ACSL4: variants seen among roughly 807,000 people sequenced by gnomAD.
ACSL4 encodes acyl-CoA synthetase long chain family member 4, also known as long-chain-fatty-acid--CoA ligase 4.
Under a neutral mutation model 49.1 loss-of-function variants are expected in ACSL4, and 9 were observed. The observed-to-expected ratio is 0.18, with a 90% CI of 0.11 to 0.32. The LOEUF (loss-of-function observed/expected upper bound fraction) is 0.32. Among genes scored for constraint, ACSL4 ranks in the 10% least tolerant of loss-of-function variants. ACSL4 has a pLI of 1.00. For missense variants in ACSL4, 333 were observed against 493.7 expected, an observed-to-expected ratio of 0.67 and a Z score of 3.08; for synonymous variants, 191 against 170.3, an observed-to-expected ratio of 1.12 and a Z score of -0.95.
At chrX:109,656,203 C>T (rs1921631008) in intron 15 of ACSL4, among the ~76,000 whole-genome samples, 1 of 110,992 alleles carries the variant, frequency 9.0e-6, no homozygotes. Context: ...AAAATACAGA[C>T]ATGCTATCCT....
rs750609370 is a variant in ACSL4, at chrX:109,729,250, TA to T, written c.-66+3888del. ...AAAAAACTCTTAAAACTCACCAGGT[TA>T]AAAAAAAAATCCAAATAGAAAATGG... is the stretch of plus-strand genomic sequence containing the variant. On this transcript the variant is annotated intron_variant, in intron 1 of 15. Coordinates refer to ENST00000672401, the MANE Select transcript of ACSL4 (RefSeq NM_001318510.2). Among the ~76,000 whole-genome samples, 18 of 107,011 alleles carry T rather than the reference TA, an allele frequency of 1.7e-4. 3 individuals are homozygous for T. The highest frequency in any genetic ancestry group is 1.6e-3 in the South Asian group (4 of 2,528). 92.9% of individuals were successfully genotyped at this position (107,011 alleles called of 115,157 possible).
intron 15 of ACSL4, among the ~76,000 whole-genome samples, chrX:109,655,140 T>C (rs957577470): frequency 8.9e-6 from 1 of 111,837 alleles, no homozygotes; most frequent in African/African-American, 3.3e-5. Flanking sequence ...TCCAAACAGT[T>C]TTTTAGTACC....
intron 2 of ACSL4, among the ~76,000 whole-genome samples, chrX:109,686,969 G>C (rs959768510): frequency 3.6e-5 from 4 of 112,077 alleles, no homozygotes; most frequent in African/African-American, 1.3e-4. Context: ...AAAGCAAAAA[G>C]CATAGCTGCT....
chrX:109,727,676 TGTGTGTGTGTGTGTGTGTGTGTGTGTG>T (rs1928116279), intron 1 of ACSL4, among the ~76,000 whole-genome samples: 1 of 42,033 alleles, frequency 2.4e-5, no homozygotes, highest in Non-Finnish European at 8.3e-5. Flanking sequence ...TGTGTGTGTG[TGTGTGTGTGTGTGTGTGTGTGTGTGTG>T]TGTGTGTAAT....
At chrX:109,686,093 G>A (rs897084089) in intron 2 of ACSL4, among the ~76,000 whole-genome samples, 2 of 111,798 alleles carry the variant, frequency 1.8e-5, no homozygotes, top group Admixed American at 9.5e-5. Flanking sequence ...AATGCTGAAT[G>A]TAAGATCCCC....
chrX:109,652,577 C>T (rs1921234038), intron 15 of ACSL4, among the ~76,000 whole-genome samples: 1 of 111,082 alleles, frequency 9.0e-6, no homozygotes, highest in Admixed American at 9.6e-5. Flanking sequence ...GATGATTAGC[C>T]TTTTGGTTGA....
chrX:109,699,640 A>C (rs1371624652), intron 1 of ACSL4, among the ~76,000 whole-genome samples: 2 of 111,956 alleles, frequency 1.8e-5, no homozygotes, highest in South Asian at 3.7e-4. Flanking sequence ...TATTCATAGA[A>C]AAATTAGCAA....
chrX:109,700,685 A>G (rs1256369639), intron 1 of ACSL4, among the ~76,000 whole-genome samples: 1 of 111,734 alleles, frequency 8.9e-6, no homozygotes, highest in Admixed American at 9.5e-5. Flanking sequence ...AGCCTGTGCA[A>G]TGTACAGAAT....
At chrX:109,710,759 G>A (rs1926693935) in intron 1 of ACSL4, among the ~76,000 whole-genome samples, 1 of 111,910 alleles carries the variant, frequency 8.9e-6, no homozygotes, top group African/African-American at 3.3e-5. Flanking sequence ...CACCCAGGCT[G>A]GAGTACAGTG....
chrX:109,723,541 A>G (rs372648417), intron 1 of ACSL4, among the ~76,000 whole-genome samples: 262 of 111,694 alleles, frequency 2.3e-3, no homozygotes, highest in African/African-American at 8.0e-3. Context: ...CAGTGTATAT[A>G]TATGTCTAAC....
At chrX:109,666,077 C>T (rs2147401539) in intron 11 of ACSL4, among the ~76,000 whole-genome samples, 1 of 112,229 alleles carries the variant, frequency 8.9e-6, no homozygotes, top group South Asian at 3.7e-4. Flanking sequence ...TTATGGACAG[C>T]CCATTATGTA....
chrX:109,716,362 C>G (rs186989750), intron 1 of ACSL4, among the ~76,000 whole-genome samples: 1 of 112,484 alleles, frequency 8.9e-6, no homozygotes, highest in Admixed American at 9.4e-5. Flanking sequence ...ACTTAAGTAT[C>G]ACCTGGCTTG....
At chrX:109,677,349 C>G (rs1004083048) in intron 8 of ACSL4, among the ~76,000 whole-genome samples, 2 of 111,283 alleles carry the variant, frequency 1.8e-5, no homozygotes, top group African/African-American at 3.3e-5. Flanking sequence ...GGCCAAGACC[C>G]TAACATATCT....
At chrX:109,700,940 G>A (rs2147492759) in intron 1 of ACSL4, among the ~76,000 whole-genome samples, 1 of 109,526 alleles carries the variant, frequency 9.1e-6, no homozygotes, top group African/African-American at 3.3e-5. Context: ...CTACTCAGGA[G>A]GCTGAGGCAG....
At chrX:109,697,031 T>C (rs1925491125) in intron 1 of ACSL4, among the ~76,000 whole-genome samples, 1 of 109,414 alleles carries the variant, frequency 9.1e-6, no homozygotes, top group Admixed American at 9.7e-5. Flanking sequence ...GCAACCAGAG[T>C]GAGACCCTGT....
chrX:109,668,320 C>T, intron 10 of ACSL4, 47 bp from the exon 11 acceptor site: 2 of 1,024,864 alleles, frequency 2.0e-6, no homozygotes, highest in Non-Finnish European at 2.7e-6. Flanking sequence ...ATACATTATT[C>T]TTGGCAACAC....
At chrX:109,654,639 G>T (rs916081169) in intron 15 of ACSL4, among the ~76,000 whole-genome samples, 1 of 112,002 alleles carries the variant, frequency 8.9e-6, no homozygotes, top group Non-Finnish European at 1.9e-5. Flanking sequence ...GGCTGAGGAA[G>T]CCAAAGCAAC....
At chrX:109,663,163 C>G in intron 13 of ACSL4, 48 bp downstream of exon 13, 1 of 1,063,982 alleles carries the variant, frequency 9.4e-7, no homozygotes, top group South Asian at 2.0e-5. Context: ...TTCATATATA[C>G]TGAAGTTATA....
chrX:109,688,174 C>T (rs1195106351), intron 2 of ACSL4, among the ~76,000 whole-genome samples: 4 of 112,030 alleles, frequency 3.6e-5, no homozygotes, highest in Non-Finnish European at 7.5e-5. Context: ...GCAGACAAAA[C>T]AGCAACAATC....
Sources: gnomAD v4.1 joint callset for allele counts (sites outside exome capture counted in the v4.1 genomes callset) on GRCh38, gnomAD v4.1.1 for gene constraint, MANE v1.5 for transcripts, NCBI Gene and HGNC (gene_info 2026-07-23, HGNC 2026-07-21) for gene names.